NPHS1: variants seen among roughly 807,000 people sequenced by gnomAD.
The protein encoded by NPHS1 is nephrin.
A neutral mutation model predicts 139.7 loss-of-function variants in NPHS1; 107 were observed. That is an observed-to-expected ratio of 0.77 (90% CI 0.66 to 0.90). The LOEUF (loss-of-function observed/expected upper bound fraction) is 0.90. NPHS1 is among the 40% of genes least tolerant of loss of function. NPHS1 has a pLI of 0.00. For missense variants in NPHS1, 1,580 were observed against 1,654.2 expected (o/e 0.96, Z 0.78); for synonymous variants, 707 against 706.6 (o/e 1.00, Z -0.01).
At position 35,826,408 on chromosome 19, in the gene NPHS1, T is replaced by A; in HGVS notation, c.*106A>T. 7.4e-7 allele frequency: 1 copy of A among 1,349,526 alleles called. No individual in the cohort carries two copies. 83.6% of individuals were successfully genotyped at this position (1,349,526 alleles called of 1,614,324 possible). A position where few individuals can be genotyped will look rare whatever the true frequency, so the allele number is the denominator to read the frequency against. ...TGTCCTCTCCTGACACCAAGTCCCT[T>A]TGGGTTTTATGGAGCTCACCTAACC... On this transcript the variant is annotated 3_prime_UTR_variant, in exon 29 of 29. Transcript: ENST00000378910.
chr19:35,851,756 G>A, intron 1 of NPHS1, 24 bp downstream of exon 1: 1 of 1,555,524 alleles, frequency 6.4e-7, no homozygotes, highest in Non-Finnish European at 8.7e-7. Context: ...TTGGCGCTGG[G>A]TACAAGGCTG....
intron 8 of NPHS1, 67 bp from the exon 9 acceptor site, chr19:35,848,861 A>T: frequency 6.8e-6 from 11 of 1,611,386 alleles, no homozygotes; most frequent in Non-Finnish European, 8.5e-6. Flanking sequence ...CAGACAGAAC[A>T]GGACTGGAGA....
At position 35,844,392 on chromosome 19, in the gene NPHS1, C is replaced by A. The variant is rs569310327; in HGVS notation, c.1998G>T (p.Leu666=). Residue 666 remains leucine, a synonymous_variant, in exon 15 of 29, where the codon CTG becomes CTT. Transcript: ENST00000378910. ...CGGGGTTAGCGGACACGGACACGGG[C>A]AGCAACGCCTCGCCCTGCTCCACCG... ...VTAVEQGEAL[L]PVSVSANPAP... 15 of 1,611,900 alleles carry A rather than the reference C, an allele frequency of 9.3e-6. No individual in the cohort carries two copies. In the African/African-American group the frequency reaches 1.9e-4, roughly 20 times the overall value.
rs768441569 is a variant in NPHS1, at chr19:35,845,626, G to T, written c.1757+43C>A. ...CGGGGGCGGGACATGCGTGGAGGGGGCGAGGCCAGACCAGAGAGGGGAGGG... is the reference window on the plus strand; with the variant it reads ...CGGGGGCGGGACATGCGTGGAGGGGTCGAGGCCAGACCAGAGAGGGGAGGG... On this transcript the variant is annotated intron_variant, in intron 13 of 28. Coordinates refer to ENST00000378910, the MANE Select transcript of NPHS1 (RefSeq NM_004646.4). The surrounding 1 kb of genome is among the most constrained non-coding windows in gnomAD (Gnocchi z 5.5). The T allele has an allele frequency of 3.1e-6, 5 of 1,609,132 alleles. No homozygotes were observed. Among genetic ancestry groups the T allele is most frequent in the Non-Finnish European group, 4.2e-6 (5 of 1,177,694 alleles).
chr19:35,846,233 G>C (rs532001606), intron 11 of NPHS1, 39 bp from the exon 12 acceptor site: 1 of 1,549,914 alleles, frequency 6.5e-7, no homozygotes, highest in Non-Finnish European at 8.7e-7. Context: ...AGGCAGCCCT[G>C]CCGCTTCCAC....
Position 35,851,227 on chromosome 19 carries a change from C to T in NPHS1, c.397+35G>A, listed in dbSNP as rs764359300. The T allele has an allele frequency of 3.7e-6, 6 of 1,613,694 alleles. No individual in the cohort carries two copies. The South Asian group carries it at 6.6e-5, about 18-fold the overall frequency. On this transcript the variant is annotated intron_variant, in intron 3 of 28. Transcript: ENST00000378910. ...GCGGGGTAGGGGAGGGCTTGAAGCC[C>T]AGACTCATGGGTCCTGGGCGTCTCT...
rs373376897 is a variant in NPHS1, at chr19:35,846,342, C to A, written c.1441-148G>T. 7.7e-5 allele frequency: 62 copies of A among 806,534 alleles called. No individual in the cohort carries two copies. In the African/African-American group the frequency reaches 7.9e-4, roughly 10 times the overall value. 50.0% of individuals were successfully genotyped at this position (806,534 alleles called of 1,614,324 possible). A position where few individuals can be genotyped will look rare whatever the true frequency, so the allele number is the denominator to read the frequency against. ...GAAGCACTCTCATCAGCACCACCCC[C>A]CTAGGGCAAAGCAGTGGGGAGTGGA... On this transcript the variant is annotated intron_variant, in intron 11 of 28. Coordinates refer to ENST00000378910, the MANE Select transcript of NPHS1 (RefSeq NM_004646.4).
chr19:35,843,668 G>A (rs1055968502), intron 16 of NPHS1, 75 bp from the exon 17 acceptor site: 4 of 1,587,134 alleles, frequency 2.5e-6, no homozygotes, highest in Admixed American at 1.7e-5. Flanking sequence ...CCAGGTGGGA[G>A]GGATGTCTTA....
intron 25 of NPHS1, 28 bp from the exon 26 acceptor site, chr19:35,831,399 T>C: frequency 6.2e-7 from 1 of 1,612,344 alleles, no homozygotes; most frequent in South Asian, 1.1e-5. Context: ...TGGGGGGAAG[T>C]TGAGTGCTGC....
Position 35,849,291 on chromosome 19 carries a change from T to G in NPHS1, c.785A>C (p.Glu262Ala). The G allele has an allele frequency of 6.2e-7, 1 of 1,613,164 alleles. No individual in the cohort carries two copies. Reference sequence around the variant, plus strand: ...ACCCCCTCGGGCCACGCACGGCAGCTCCAAGCTCTGTCCTGCCCGCACGTG... The same window carrying G: ...ACCCCCTCGGGCCACGCACGGCAGCGCCAAGCTCTGTCCTGCCCGCACGTG... ...EGHVRAGQSL[E>A]LPCVARGGNP... Residue 262 changes from glutamate (E) to alanine (A), a missense_variant, in exon 7 of 29, where the codon GAG (glutamate) becomes GCG (alanine). Coordinates refer to ENST00000378910, the MANE Select transcript of NPHS1 (RefSeq NM_004646.4).
Position 35,848,133 on chromosome 19 carries a change from G to C in NPHS1, c.1348C>G (p.Pro450Ala). 1 of 1,614,020 alleles carries C rather than the reference G, an allele frequency of 6.2e-7. No individual in the cohort carries two copies. Among genetic ancestry groups the C allele is most frequent in the South Asian group, 1.1e-5 (1 of 91,086 alleles). The change falls in exon 11 of 29, where the codon CCA (proline) becomes GCA (alanine). Residue 450 changes from proline (P) to alanine (A), a missense_variant. By Grantham distance (27) the Pro-to-Ala change is conservative. Coordinates refer to ENST00000378910, the MANE Select transcript of NPHS1 (RefSeq NM_004646.4). The stretch of plus-strand genomic sequence containing the variant: ...CCAGCCCGGAGCTTCTGGCCCTCTG[G>C]GGGACCCTCAATCCACAGTTTCTGG... Reference protein sequence around the residue: ...PAQKLWIEGPPEGQKLRAGTR... With the variant: ...PAQKLWIEGPAEGQKLRAGTR...
chr19:35,840,623 T>G lies in NPHS1; in HGVS notation c.2816-1016A>C, dbSNP rs538991848. Reference sequence around the variant, plus strand: ...TGCTGGGATTACAGGTGTGAGCCACTGCACCCGGCAGTTAGGTTTCTTTAA... The same window carrying G: ...TGCTGGGATTACAGGTGTGAGCCACGGCACCCGGCAGTTAGGTTTCTTTAA... On this transcript the variant is annotated intron_variant, in intron 20 of 28. Transcript: ENST00000378910. Among the ~76,000 whole-genome samples the G allele has an allele frequency of 2.0e-5, 3 of 149,222 alleles. No individual in the cohort carries two copies. In the East Asian group the frequency reaches 6.1e-4, roughly 30 times the overall value.
intron 11 of NPHS1, among the ~76,000 whole-genome samples, chr19:35,847,380 G>A: frequency 9.2e-6 from 1 of 108,340 alleles, no homozygotes; most frequent in East Asian, 3.1e-4. Context: ...TTGAGACGGA[G>A]TTTCGGTCTC....
chr19:35,846,279 G>T, intron 11 of NPHS1, 85 bp from the exon 12 acceptor site: 1 of 1,416,074 alleles, frequency 7.1e-7, no homozygotes, highest in Non-Finnish European at 9.6e-7. Context: ...CACTGGGTTG[G>T]TGCCGCCAGC....
intron 28 of NPHS1, among the ~76,000 whole-genome samples, chr19:35,826,864 G>A (rs1388720165): frequency 1.3e-5 from 2 of 152,172 alleles, no homozygotes; most frequent in Non-Finnish European, 1.5e-5. Context: ...GGCTGGGCAC[G>A]GTAGCTCATG....
chr19:35,844,466 AG>A lies in NPHS1; in HGVS notation c.1931-8del. Reference sequence around the variant, plus strand: ...CCCAGGAACTCTGGACGGTCTTCAGAGGGGGCGCCGCAGGGAGTCAAGATTG... The same window carrying A: ...CCCAGGAACTCTGGACGGTCTTCAGAGGGGCGCCGCAGGGAGTCAAGATTG... On this transcript the variant is annotated splice_polypyrimidine_tract_variant and splice_region_variant and intron_variant, in intron 14 of 28. Transcript: ENST00000378910. 2 of 1,566,082 alleles carry A rather than the reference AG, an allele frequency of 1.3e-6. No homozygotes were observed. Among genetic ancestry groups the A allele is most frequent in the African/African-American group, 1.4e-5 (1 of 73,522 alleles).
intron 23 of NPHS1, among the ~76,000 whole-genome samples, chr19:35,834,808 C>T (rs1972932927): frequency 1.3e-5 from 2 of 150,358 alleles, no homozygotes; most frequent in Non-Finnish European, 1.5e-5. Context: ...GGAGAGGAAG[C>T]CGGGAGGTGG....
At chr19:35,844,056 G>A in intron 16 of NPHS1, 47 bp downstream of exon 16, 3 of 1,597,288 alleles carry the variant, frequency 1.9e-6, no homozygotes, top group Non-Finnish European at 2.6e-6. Flanking sequence ...TCCACAATGG[G>A]CAAGGTTCCT....
intron 11 of NPHS1, among the ~76,000 whole-genome samples, chr19:35,846,757 T>A (rs556052463): frequency 1.4e-4 from 21 of 152,312 alleles, no homozygotes; most frequent in African/African-American, 5.1e-4. Context: ...TATCTTATGA[T>A]CCCAGTCTTT....
Sources: allele counts gnomAD v4.1 joint callset (sites outside exome capture counted in the v4.1 genomes callset), GRCh38; gene constraint gnomAD v4.1.1; non-coding constraint Gnocchi (gnomAD v3.1); transcripts MANE v1.5; gene names NCBI Gene and HGNC (gene_info 2026-07-23, HGNC 2026-07-21).